MND1: variants seen among roughly 807,000 people sequenced by gnomAD.
The protein encoded by MND1 is meiotic nuclear division protein 1 homolog.
Under a neutral mutation model 35.1 loss-of-function variants are expected in MND1, and 28 were observed. The ratio of observed to expected loss-of-function variants is 0.80; its 90% CI spans 0.59 to 1.09. The LOEUF (loss-of-function observed/expected upper bound fraction) is 1.09, where lower values mean the gene tolerates loss of function less well. MND1 is among the 50% of genes least tolerant of loss of function. The pLI, the probability that MND1 is intolerant of heterozygous loss-of-function variation, is 0.00. For synonymous variants in MND1, 69 were observed against 70.5 expected, an observed-to-expected ratio of 0.98 and a Z score of 0.11; for missense variants, 213 against 239.6, an observed-to-expected ratio of 0.89 and a Z score of 0.73.
intron 6 of MND1, among the ~76,000 whole-genome samples, chr4:153,406,772 A>G (rs1431546288): frequency 6.6e-6 from 1 of 152,238 alleles, no homozygotes; most frequent in African/African-American, 2.4e-5. Context: ...GTGAGATACT[A>G]CTTCACACTT....
In MND1 at chr4:153,413,086, C is replaced by T. The variant is rs192197325; in HGVS notation, c.512-1665C>T. On this transcript the variant is annotated intron_variant, in intron 7 of 7. Transcript: ENST00000240488. ...ATACCAATCCTACTGGATTAGGGCC[C>T]ACCCCAATGACCTCATTTTAACTTG... Among the ~76,000 whole-genome samples, 9 of 152,202 alleles carry T rather than the reference C, an allele frequency of 5.9e-5. No individual in the cohort carries two copies. In the East Asian group the frequency reaches 1.7e-3, roughly 29 times the overall value.
rs562660127 is a variant in MND1, at chr4:153,399,144, C to T, written c.466+1811C>T. 5.9e-5 allele frequency among the ~76,000 whole-genome samples: 9 copies of T among 152,162 alleles called. No homozygotes were observed. In the South Asian group the frequency reaches 1.9e-3, roughly 32 times the overall value. On this transcript the variant is annotated intron_variant, in intron 6 of 7. Transcript: ENST00000240488. ...CATTTACTCTTACTTGCCTTTTTTCCTGATTTCAGTTTTGTGTGATTCTTG... is the reference window on the plus strand; with the variant it reads ...CATTTACTCTTACTTGCCTTTTTTCTTGATTTCAGTTTTGTGTGATTCTTG...
intron 4 of MND1, among the ~76,000 whole-genome samples, chr4:153,365,503 G>A (rs1773614621): frequency 6.6e-6 from 1 of 152,080 alleles, no homozygotes; most frequent in Non-Finnish European, 1.5e-5. Context: ...TAGGTTATTG[G>A]AATAATCCAA....
intron 4 of MND1, among the ~76,000 whole-genome samples, chr4:153,387,186 A>G (rs576059193): frequency 6.6e-6 from 1 of 152,298 alleles, no homozygotes; most frequent in East Asian, 1.9e-4. Flanking sequence ...TTTTTTGGTC[A>G]TAGATAGGCT....
chr4:153,366,178 G>A (rs536699383), intron 4 of MND1, among the ~76,000 whole-genome samples: 14 of 152,236 alleles, frequency 9.2e-5, no homozygotes, highest in African/African-American at 3.4e-4. Context: ...TGCTGTATGT[G>A]TCAAATTTCC....
In MND1 at chr4:153,358,101, A is replaced by C. The variant is rs144669443; in HGVS notation, c.128-373A>C. Reference sequence around the variant, plus strand: ...CATTTTATTGACATTACTGCTATGCACCAAAGTAAGTATGGAAATGATCAT... The same window carrying C: ...CATTTTATTGACATTACTGCTATGCCCCAAAGTAAGTATGGAAATGATCAT... On this transcript the variant is annotated intron_variant, in intron 3 of 7. Transcript: ENST00000240488. Among the ~76,000 whole-genome samples, 1,372 of 152,310 alleles carry C rather than the reference A, an allele frequency of 9.0e-3. 30 individuals carry two copies. Among genetic ancestry groups the C allele is most frequent in the African/African-American group, 0.031 (1,292 of 41,556 alleles).
chr4:153,353,966 C>T (rs1023322533), intron 2 of MND1, among the ~76,000 whole-genome samples: 4 of 152,196 alleles, frequency 2.6e-5, no homozygotes, highest in East Asian at 1.9e-4. Flanking sequence ...ATGATCCACC[C>T]GCCTCAGCCT....
At chr4:153,345,477 T>A in intron 1 of MND1, 1 of 985,444 alleles carries the variant, frequency 1.0e-6, no homozygotes, top group Non-Finnish European at 1.2e-6. Context: ...GAATTAGGCT[T>A]CCTCGTGGGT....
chr4:153,390,846 CAAAA>C (rs1207395904), intron 4 of MND1, among the ~76,000 whole-genome samples: 1 of 144,460 alleles, frequency 6.9e-6, no homozygotes. Context: ...CAAAACAAAA[CAAAA>C]AAACAGAACC....
rs557756636 is a variant in MND1 at position 153,394,998 on chromosome 4, G to A, written c.351+662G>A. ...ACATGAACCACTAAGCATTTCATCC[G>A]GGTCTCTATTTGTATCACTTGATTG... On this transcript the variant is annotated intron_variant, in intron 5 of 7. Coordinates refer to ENST00000240488, the MANE Select transcript of MND1 (RefSeq NM_032117.4). 2.0e-5 allele frequency among the ~76,000 whole-genome samples: 3 copies of A among 152,168 alleles called. No individual in the cohort carries two copies. In the East Asian group the frequency reaches 5.8e-4, roughly 29 times the overall value.
At chr4:153,361,578 G>T (rs532069084) in intron 4 of MND1, 1 of 455,522 alleles carries the variant, frequency 2.2e-6, no homozygotes, top group Admixed American at 2.4e-5. Context: ...AGTGGCTCAC[G>T]CCTGTAATCC....
rs920736138 is a variant in MND1 at position 153,368,809 on chromosome 4, T to A, written c.276+10187T>A. 1.3e-4 allele frequency among the ~76,000 whole-genome samples: 19 copies of A among 151,736 alleles called. No homozygotes were observed. In the East Asian group the frequency reaches 3.7e-3, roughly 29 times the overall value. On this transcript the variant is annotated intron_variant, in intron 4 of 7. Transcript: ENST00000240488. Reference sequence around the variant, plus strand: ...ATGAATACTACTGTTTTGTAGCCTTTAAAAAAAAAGTGTGATTTAGATTTT... The same window carrying A: ...ATGAATACTACTGTTTTGTAGCCTTAAAAAAAAAAGTGTGATTTAGATTTT...
In MND1 at chr4:153,358,491, G is replaced by T; in HGVS notation, c.145G>T (p.Glu49Ter). 6.2e-7 allele frequency: 1 copy of T among 1,601,382 alleles called. No homozygotes were observed. The highest frequency in any genetic ancestry group is 8.5e-7 in the Non-Finnish European group (1 of 1,174,324). ...TCTCTTAGCTGCTATGTCAGTAAAA[G>T]AAGTCCTTCAAAGCTTAGTTGATGA... ...EKGITAMSVK[E>*]VLQSLVDDGM... Residue 49 changes from glutamate to a stop codon, truncating the protein, a stop_gained, in exon 4 of 8, where the codon GAA becomes TAA. Coordinates refer to ENST00000240488, the MANE Select transcript of MND1 (RefSeq NM_032117.4). LOFTEE classifies it high-confidence loss of function.
chr4:153,389,107 A>G (rs1728949630), intron 4 of MND1, among the ~76,000 whole-genome samples: 1 of 152,206 alleles, frequency 6.6e-6, no homozygotes, highest in Non-Finnish European at 1.5e-5. Flanking sequence ...GGTATATGTA[A>G]AATAGGTGAA....
At chr4:153,394,392 G>A (rs1226214263) in intron 5 of MND1, 56 bp downstream of exon 5, 1 of 1,357,046 alleles carries the variant, frequency 7.4e-7, no homozygotes, top group African/African-American at 1.5e-5. Flanking sequence ...ATTAGAGTAA[G>A]CGACACAGAG....
intron 6 of MND1, among the ~76,000 whole-genome samples, chr4:153,405,114 T>C (rs1052950522): frequency 1.3e-5 from 2 of 152,074 alleles, no homozygotes; most frequent in Non-Finnish European, 2.9e-5. Context: ...TTCAGCTGCT[T>C]TTTTGCAGAA....
rs1020921986 is a variant in MND1, at chr4:153,350,204, C to T, written c.69+75C>T. ...GTATATGTCATCCAATGTTAACTGT[C>T]CCCTCTTTGTTAAACATCAATACTG... On this transcript the variant is annotated intron_variant, in intron 2 of 7. Transcript: ENST00000240488. 1.7e-4 allele frequency: 182 copies of T among 1,041,190 alleles called. No individual in the cohort carries two copies. The Middle Eastern group carries it at 1.9e-3, about 11-fold the overall frequency. 64.5% of individuals were successfully genotyped at this position (1,041,190 alleles called of 1,614,324 possible).
intron 3 of MND1, among the ~76,000 whole-genome samples, chr4:153,356,660 T>A (rs7681877): frequency 0.19 from 28,214 of 151,626 alleles, 2,781 homozygotes; most frequent in African/African-American, 0.25. Flanking sequence ...TATCCTTGAA[T>A]TCTTTATTGT....
chr4:153,349,298 A>G (rs73854667), intron 1 of MND1, among the ~76,000 whole-genome samples: 2,611 of 152,238 alleles, frequency 0.017, 68 homozygotes, highest in African/African-American at 0.057. Context: ...TCCATTTTCT[A>G]CTTGGATAGG....
Sources: allele counts gnomAD v4.1 joint callset (sites outside exome capture counted in the v4.1 genomes callset), GRCh38; gene constraint gnomAD v4.1.1; transcripts MANE v1.5; gene names NCBI Gene and HGNC (gene_info 2026-07-23, HGNC 2026-07-21).